ARHGAP10: variants seen among roughly 807,000 people sequenced by gnomAD.
The protein encoded by ARHGAP10 is Rho GTPase activating protein 10.
Under a neutral mutation model 108.6 loss-of-function variants are expected in ARHGAP10, and 87 were observed. The ratio of observed to expected loss-of-function variants is 0.80; its 90% CI spans 0.67 to 0.96. ARHGAP10 has a LOEUF of 0.96. ARHGAP10 is among the 40% of genes least tolerant of loss of function. The pLI, the probability that ARHGAP10 is intolerant of heterozygous loss-of-function variation, is 0.00. For missense variants in ARHGAP10, 939 were observed against 954.5 expected, an observed-to-expected ratio of 0.98 and a Z score of 0.21; for synonymous variants, 347 against 341.1, an observed-to-expected ratio of 1.02 and a Z score of -0.19.
chr4:147,977,009 G>A (rs1739621415), intron 18 of ARHGAP10, among the ~76,000 whole-genome samples: 1 of 152,192 alleles, frequency 6.6e-6, no homozygotes, highest in Admixed American at 6.5e-5. Context: ...ACATGTTCAT[G>A]TTAGGGATGG....
chr4:147,782,992 A>G (rs1730609324), intron 1 of ARHGAP10, among the ~76,000 whole-genome samples: 1 of 139,676 alleles, frequency 7.2e-6, no homozygotes. Flanking sequence ...TATAAATTAT[A>G]TATATTATAT....
chr4:147,964,074 A>G (rs1446346706), intron 16 of ARHGAP10, among the ~76,000 whole-genome samples: 2 of 152,174 alleles, frequency 1.3e-5, no homozygotes, highest in African/African-American at 4.8e-5. Flanking sequence ...ACCCGAGGAA[A>G]CTGCCCCTCC....
chr4:147,946,739 A>T lies in ARHGAP10; in HGVS notation c.1391+35A>T, dbSNP rs372983933. On this transcript the variant is annotated intron_variant, in intron 15 of 22. Coordinates refer to ENST00000336498, the MANE Select transcript of ARHGAP10 (RefSeq NM_024605.4). ...TCTCAGTAGCAAGAAAGAAGAATGG[A>T]CTATTTGGATCTGTAACATAAAACA... 86 of 1,498,428 alleles carry T rather than the reference A, an allele frequency of 5.7e-5. No homozygotes were observed. The African/African-American group carries it at 1.1e-3, about 18-fold the overall frequency. The allele number at this position is 1,498,428 out of a possible 1,614,324, so 92.8% of individuals were successfully genotyped here.
chr4:147,867,926 C>A (rs1579136160), intron 7 of ARHGAP10, among the ~76,000 whole-genome samples: 1 of 135,614 alleles, frequency 7.4e-6, no homozygotes. Flanking sequence ...TTGTTTCTAA[C>A]TTTTTTTTTT....
At chr4:147,956,396 A>T (rs995334270) in intron 16 of ARHGAP10, among the ~76,000 whole-genome samples, 1 of 152,136 alleles carries the variant, frequency 6.6e-6, no homozygotes, top group South Asian at 2.1e-4. Context: ...AGGAGTGTGT[A>T]GGCCCCATTA....
At chr4:147,859,527 G>T (rs1315007285) in intron 5 of ARHGAP10, among the ~76,000 whole-genome samples, 1 of 152,052 alleles carries the variant, frequency 6.6e-6, no homozygotes, top group East Asian at 1.9e-4. Context: ...ACCCACCTTG[G>T]CCTCCCAAAG....
At chr4:148,031,102 G>C (rs1288187583) in intron 19 of ARHGAP10, among the ~76,000 whole-genome samples, 2 of 152,102 alleles carry the variant, frequency 1.3e-5, no homozygotes, top group East Asian at 3.9e-4. Context: ...TGGCATTTTG[G>C]ATCTACTAAT....
At chr4:148,055,279 A>G (rs1259295457) in intron 20 of ARHGAP10, among the ~76,000 whole-genome samples, 3 of 152,226 alleles carry the variant, frequency 2.0e-5, no homozygotes, top group Non-Finnish European at 4.4e-5. Flanking sequence ...TAGGAGCCTC[A>G]GGATCGCACA....
rs1222700586 is a variant in ARHGAP10, at chr4:147,732,114, G to A, written c.-188G>A. 7.4e-6 allele frequency: 3 copies of A among 405,984 alleles called. No homozygotes were observed. Among genetic ancestry groups the A allele is most frequent in the African/African-American group, 6.3e-5 (3 of 47,530 alleles). The allele number at this position is 405,984 out of a possible 1,614,324, so 25.1% of individuals were successfully genotyped here. ...GGGCGCCGCAGCTAGCGCTGGTCTCGGTGGCAGCTCCTCCGCGCCGCAGGA... is the reference window on the plus strand; with the variant it reads ...GGGCGCCGCAGCTAGCGCTGGTCTCAGTGGCAGCTCCTCCGCGCCGCAGGA... On this transcript the variant is annotated 5_prime_UTR_variant, in exon 1 of 23. Transcript: ENST00000336498.
chr4:147,825,574 G>C (rs368498125), intron 3 of ARHGAP10, among the ~76,000 whole-genome samples: 3 of 152,216 alleles, frequency 2.0e-5, no homozygotes, highest in South Asian at 4.2e-4. Flanking sequence ...AAGACAGTGT[G>C]GTCCCATGAG....
chr4:147,820,055 G>A (rs961716493), intron 1 of ARHGAP10, among the ~76,000 whole-genome samples: 2 of 152,118 alleles, frequency 1.3e-5, no homozygotes, highest in South Asian at 2.1e-4. Context: ...AGAGGGCCAC[G>A]GTGCCTAGGA....
At chr4:147,831,865 GTCT>G (rs1337730256) in intron 3 of ARHGAP10, among the ~76,000 whole-genome samples, 1 of 152,172 alleles carries the variant, frequency 6.6e-6, no homozygotes, top group African/African-American at 2.4e-5. Context: ...CAGGAGGCCT[GTCT>G]CCTTCTTGGA....
At chr4:147,900,235 G>C (rs1363369386) in intron 10 of ARHGAP10, among the ~76,000 whole-genome samples, 1 of 152,122 alleles carries the variant, frequency 6.6e-6, no homozygotes, top group Non-Finnish European at 1.5e-5. Flanking sequence ...TGCCTGATTG[G>C]TGATACCATG....
At chr4:147,850,340 C>A (rs991146554) in intron 4 of ARHGAP10, among the ~76,000 whole-genome samples, 1 of 152,202 alleles carries the variant, frequency 6.6e-6, no homozygotes, top group Admixed American at 6.5e-5. Flanking sequence ...TGGGTCCCTT[C>A]CCATGCTGTG....
intron 16 of ARHGAP10, 143 bp downstream of exon 16, chr4:147,955,517 C>T: frequency 1.5e-6 from 1 of 682,386 alleles, no homozygotes; most frequent in African/African-American, 1.8e-5. Context: ...TGGTGCCTCC[C>T]CTCATCCTTG....
At chr4:148,070,965 C>T (rs188225390) in intron 22 of ARHGAP10, among the ~76,000 whole-genome samples, 2 of 152,284 alleles carry the variant, frequency 1.3e-5, no homozygotes, top group South Asian at 2.1e-4. Context: ...GCAATTTTCT[C>T]GTTGAGTATC....
intron 20 of ARHGAP10, among the ~76,000 whole-genome samples, chr4:148,051,075 C>T (rs1729114316): frequency 6.6e-6 from 1 of 152,236 alleles, no homozygotes; most frequent in South Asian, 2.1e-4. Flanking sequence ...CAGAGGAAAA[C>T]TTACAGCAGC....
chr4:147,771,007 G>T (rs1730054573), intron 1 of ARHGAP10, among the ~76,000 whole-genome samples: 1 of 152,072 alleles, frequency 6.6e-6, no homozygotes, highest in Non-Finnish European at 1.5e-5. Context: ...CTTTTAAGGA[G>T]ACCAGTAATA....
At chr4:147,823,008 A>T (rs780308306) in intron 3 of ARHGAP10, 51 bp downstream of exon 3, 5 of 1,545,408 alleles carry the variant, frequency 3.2e-6, no homozygotes, top group African/African-American at 2.7e-5. Flanking sequence ...GGGGGAAAAA[A>T]ATCTGGATTT....
Sources: allele counts gnomAD v4.1 joint callset (sites outside exome capture counted in the v4.1 genomes callset), GRCh38; gene constraint gnomAD v4.1.1; transcripts MANE v1.5; gene names NCBI Gene and HGNC (gene_info 2026-07-23, HGNC 2026-07-21).